GALNT15: variants seen among roughly 807,000 people sequenced by gnomAD.
GALNT15 encodes the protein polypeptide N-acetylgalactosaminyltransferase 15.
A neutral mutation model predicts 66.8 loss-of-function variants in GALNT15; 67 were observed. That is an observed-to-expected ratio of 1.00 (90% CI 0.82 to 1.23). The LOEUF is 1.23. Ranked by LOEUF, GALNT15 falls within the 50% of genes most tolerant of loss-of-function variation. The probability of loss-of-function intolerance (pLI) is 0.00; values close to 1 mark genes in which losing one functional copy is unlikely to be tolerated. For missense variants in GALNT15, 827 were observed against 804.3 expected (o/e 1.03, Z -0.34); for synonymous variants, 313 against 311.5 (o/e 1.00, Z -0.05).
At chr3:16,223,818 G>A in intron 9 of GALNT15, among the ~76,000 whole-genome samples, 1 of 151,462 alleles carries the variant, frequency 6.6e-6, no homozygotes, top group Admixed American at 6.6e-5. Context: ...TCAGCCTGCT[G>A]AATAGCTAGG....
rs767073701 is a variant in GALNT15 at position 16,222,628 on chromosome 3, C to A, written c.1643C>A (p.Thr548Asn). 6.2e-7 allele frequency: 1 copy of A among 1,614,218 alleles called. No homozygotes were observed. Among genetic ancestry groups the A allele is most frequent in the African/African-American group, 1.3e-5 (1 of 75,064 alleles). ...CTTCTGTCACAGTACCTGCAGCACA[C>A]CAGCAGGAAGGAGATTCACTTTGGC... Reference protein sequence around the residue: ...DSRQQQYLQHTSRKEIHFGSP... With the variant: ...DSRQQQYLQHNSRKEIHFGSP... The change falls in exon 9 of 10, where the codon ACC becomes AAC. Residue 548 changes from threonine to asparagine, a missense_variant. Thr to Asn is a moderately conservative substitution (Grantham distance 65, BLOSUM62 0). Transcript: ENST00000339732.
At chr3:16,239,724 C>T in the GALNT15 span, among the ~76,000 whole-genome samples, 2 of 152,184 alleles carry the variant, frequency 1.3e-5, no homozygotes, top group Non-Finnish European at 2.9e-5. This position sits in a 1 kb window ranked among gnomAD's most constrained non-coding sequence, Gnocchi z 5.2. Flanking sequence ...TTATTCTTGT[C>T]TCTGAGATTC....
At position 16,188,809 on chromosome 3, in the gene GALNT15, T is replaced by C. The variant is rs914217501; in HGVS notation, c.540-6951T>C. ...GTGGGAGCGGGGGAGGAAGAGTGGATAGATTGCAAAGCAGATGACAGGTCC... is the reference window on the plus strand; with the variant it reads ...GTGGGAGCGGGGGAGGAAGAGTGGACAGATTGCAAAGCAGATGACAGGTCC... On this transcript the variant is annotated intron_variant, in intron 1 of 9. Coordinates refer to ENST00000339732, the MANE Select transcript of GALNT15 (RefSeq NM_054110.5). This position sits in a 1 kb window ranked among gnomAD's most constrained non-coding sequence, Gnocchi z 4.6. Among the ~76,000 whole-genome samples, 2 of 152,010 alleles carry C rather than the reference T, an allele frequency of 1.3e-5. No individual in the cohort carries two copies. The highest frequency in any genetic ancestry group is 2.4e-5 in the African/African-American group (1 of 41,388).
intron 4 of GALNT15, among the ~76,000 whole-genome samples, chr3:16,210,024 T>C (rs2063796665): frequency 6.6e-6 from 1 of 152,210 alleles, no homozygotes; most frequent in South Asian, 2.1e-4. Context: ...TGTATGTCCC[T>C]CTTTAAAGTC....
At chr3:16,233,467 C>A (rs1479191820), downstream of GALNT15, among the ~76,000 whole-genome samples, 2 of 152,100 alleles carry the variant, frequency 1.3e-5, no homozygotes, top group South Asian at 4.2e-4. Flanking sequence ...CAGCATTCTT[C>A]CTCTTTCCCA....
the GALNT15 span, among the ~76,000 whole-genome samples, chr3:16,246,430 A>G: frequency 7.2e-6 from 1 of 138,996 alleles, no homozygotes; most frequent in Non-Finnish European, 1.5e-5. Flanking sequence ...GGTTCAAGTG[A>G]TTCTCCTGCC....
rs1184997640 is a variant in GALNT15 at position 16,188,847 on chromosome 3, C to G, written c.540-6913C>G. ...AGATGACAGGTCCTTAGCACCATTT[C>G]CCTCTCTGTCCTCACTTCCACCTCC... On this transcript the variant is annotated intron_variant, in intron 1 of 9. Transcript: ENST00000339732. The surrounding 1 kb of genome is among the most constrained non-coding windows in gnomAD (Gnocchi z 4.6). Among the ~76,000 whole-genome samples, 7 of 152,062 alleles carry G rather than the reference C, an allele frequency of 4.6e-5. No individual in the cohort carries two copies. The East Asian group carries it at 1.3e-3, about 29-fold the overall frequency.
chr3:16,211,675 C>G lies in GALNT15; in HGVS notation c.1197+434C>G, dbSNP rs1450132919. Among the ~76,000 whole-genome samples, 1 of 152,236 alleles carries G rather than the reference C, an allele frequency of 6.6e-6. No homozygotes were observed. The highest frequency in any genetic ancestry group is 6.5e-5 in the Admixed American group (1 of 15,286). On this transcript the variant is annotated intron_variant, in intron 5 of 9. Transcript: ENST00000339732. This position sits in a 1 kb window ranked among gnomAD's most constrained non-coding sequence, Gnocchi z 4.3. The stretch of plus-strand genomic sequence containing the variant: ...AACTTAGCACCTGTTGGGCACCACA[C>G]AACTTCTCAAACCTTGGAGTCACCC...
Position 16,174,830 on chromosome 3 carries a change from A to G in GALNT15, c.-322A>G. On this transcript the variant is annotated 5_prime_UTR_variant, in exon 1 of 10. Coordinates refer to ENST00000339732, the MANE Select transcript of GALNT15 (RefSeq NM_054110.5). The surrounding 1 kb of genome is among the most constrained non-coding windows in gnomAD (Gnocchi z 4.7). ...AACACCTGAGCAGAATGGAATCATT[A>G]TTTTTTTCCCAAGGAGAAAACCGGG... 1 of 349,432 alleles carries G rather than the reference A, an allele frequency of 2.9e-6. No individual in the cohort carries two copies. Among genetic ancestry groups the G allele is most frequent in the Non-Finnish European group, 5.3e-6 (1 of 189,532 alleles). 21.6% of individuals were successfully genotyped at this position (349,432 alleles called of 1,614,324 possible).
Position 16,227,756 on chromosome 3 carries a change from T to C in GALNT15, c.*256T>C, listed in dbSNP as rs1404065314. On this transcript the variant is annotated 3_prime_UTR_variant, in exon 10 of 10. Transcript: ENST00000339732. The surrounding 1 kb of genome is among the most constrained non-coding windows in gnomAD (Gnocchi z 4.5). ...TCATCACTGGGAAATGATTATTACATAGTACAGAAGATTCTTTGTTTTTCT... is the reference window on the plus strand; with the variant it reads ...TCATCACTGGGAAATGATTATTACACAGTACAGAAGATTCTTTGTTTTTCT... The C allele has an allele frequency of 7.8e-6, 10 of 1,288,980 alleles. No homozygotes were observed. The highest frequency in any genetic ancestry group is 9.8e-6 in the Non-Finnish European group (10 of 1,018,510). 79.8% of individuals were successfully genotyped at this position (1,288,980 alleles called of 1,614,324 possible).
At chr3:16,201,338 C>G (rs1376942560) in intron 3 of GALNT15, among the ~76,000 whole-genome samples, 1 of 152,020 alleles carries the variant, frequency 6.6e-6, no homozygotes, top group Non-Finnish European at 1.5e-5. Context: ...CCCGCCACCA[C>G]ACCCGGCTAA....
At chr3:16,179,518 G>C (rs1399951785) in intron 1 of GALNT15, among the ~76,000 whole-genome samples, 1 of 152,150 alleles carries the variant, frequency 6.6e-6, no homozygotes, top group South Asian at 2.1e-4. Flanking sequence ...AAGCCACCAG[G>C]ATGTCTTGTC....
intron 9 of GALNT15, among the ~76,000 whole-genome samples, chr3:16,226,530 C>T (rs563845104): frequency 6.6e-6 from 1 of 152,228 alleles, no homozygotes; most frequent in African/African-American, 2.4e-5. Context: ...CATGGCGGAG[C>T]AAGGGAGAGA....
Position 16,189,776 on chromosome 3 carries a change from C to T in GALNT15, c.540-5984C>T, listed in dbSNP as rs2063554386. Among the ~76,000 whole-genome samples, 1 of 152,162 alleles carries T rather than the reference C, an allele frequency of 6.6e-6. No individual in the cohort carries two copies. The highest frequency in any genetic ancestry group is 2.1e-4 in the South Asian group (1 of 4,824). ...TTAGCTCATTTGGTCCTTCCAACAA[C>T]CTCATTTTACTGATGAGCAACATGA... On this transcript the variant is annotated intron_variant, in intron 1 of 9. Transcript: ENST00000339732. This position sits in a 1 kb window ranked among gnomAD's most constrained non-coding sequence, Gnocchi z 5.1.
intron 1 of GALNT15, among the ~76,000 whole-genome samples, chr3:16,178,501 A>G (rs2063435450): frequency 6.6e-6 from 1 of 152,120 alleles, no homozygotes; most frequent in African/African-American, 2.4e-5. Flanking sequence ...CTTTGTGCGG[A>G]GGTGCTCAGC....
chr3:16,182,978 C>G lies in GALNT15; in HGVS notation c.539+7288C>G, dbSNP rs1426290180. 1.3e-5 allele frequency: 2 copies of G among 152,420 alleles called. No homozygotes were observed. Among genetic ancestry groups the G allele is most frequent in the Non-Finnish European group, 2.9e-5 (2 of 68,204 alleles). 9.4% of individuals were successfully genotyped at this position (152,420 alleles called of 1,614,324 possible). On this transcript the variant is annotated intron_variant, in intron 1 of 9. Coordinates refer to ENST00000339732, the MANE Select transcript of GALNT15 (RefSeq NM_054110.5). This position sits in a 1 kb window ranked among gnomAD's most constrained non-coding sequence, Gnocchi z 6.1. ...GAGATGGAGGATCTGGCAGGTTTCT[C>G]TGGCCGCTAGCCTGGGGAGGCTGTC...
intron 6 of GALNT15, among the ~76,000 whole-genome samples, chr3:16,217,861 G>C (rs963217034): frequency 1.3e-5 from 2 of 152,184 alleles, no homozygotes; most frequent in African/African-American, 2.4e-5. Flanking sequence ...TAAACACAAA[G>C]AATGCCAAGA....
In GALNT15 at chr3:16,208,507, CG is replaced by C; in HGVS notation, c.917del (p.Arg306GlnfsTer6). On this transcript the variant is annotated frameshift_variant, in exon 4 of 10. Transcript: ENST00000339732. LOFTEE classifies it high-confidence loss of function. ...LLSRIAGDRS[R>X]VVSPVIDVID... ...TAATTCCACAATTCTTTCCAGGAGC[CG>C]AGTGGTATCTCCGGTGATAGATGTG... The C allele has an allele frequency of 6.2e-7, 1 of 1,613,672 alleles. No individual in the cohort carries two copies. Among genetic ancestry groups the C allele is most frequent in the Non-Finnish European group, 8.5e-7 (1 of 1,179,756 alleles).
chr3:16,239,627 G>A, the GALNT15 span, among the ~76,000 whole-genome samples: 3 of 152,206 alleles, frequency 2.0e-5, no homozygotes, highest in Admixed American at 2.0e-4. This position sits in a 1 kb window ranked among gnomAD's most constrained non-coding sequence, Gnocchi z 5.2. Flanking sequence ...AACACTCTGG[G>A]AAGCAATGGT....
Sources: gnomAD v4.1 joint callset for allele counts (sites outside exome capture counted in the v4.1 genomes callset) on GRCh38, gnomAD v4.1.1 for gene constraint, Gnocchi (gnomAD v3.1) non-coding constraint, MANE v1.5 for transcripts, NCBI Gene and HGNC (gene_info 2026-07-23, HGNC 2026-07-21) for gene names.